Variants in GPM6A observed in about 807,000 individuals in gnomAD.
The protein encoded by GPM6A is neuronal membrane glycoprotein M6-a.
In GPM6A, 7 loss-of-function variants were observed where a neutral mutation model predicts 32.1. The observed-to-expected ratio is 0.22, with a 90% CI of 0.12 to 0.41. The LOEUF (loss-of-function observed/expected upper bound fraction) is 0.41, where lower values mean the gene tolerates loss of function less well. Among genes scored for constraint, GPM6A ranks in the 10% least tolerant of loss-of-function variants. The pLI, the probability that GPM6A is intolerant of heterozygous loss-of-function variation, is 1.00. For missense variants in GPM6A, 235 were observed against 347.2 expected (o/e 0.68, Z 2.57); for synonymous variants, 130 against 123.4 (o/e 1.05, Z -0.35).
chr4:175,901,494 C>G (rs1259508288), intron 1 of GPM6A, among the ~76,000 whole-genome samples: 1 of 151,534 alleles, frequency 6.6e-6, no homozygotes, highest in Non-Finnish European at 1.5e-5. Flanking sequence ...ATTAGAGTAG[C>G]TACCATTAAA....
At chr4:175,728,533 G>A (rs1731279169) in intron 1 of GPM6A, among the ~76,000 whole-genome samples, 1 of 152,040 alleles carries the variant, frequency 6.6e-6, no homozygotes. Context: ...TTATTTCAAG[G>A]ACTATTAGAA....
At chr4:175,675,178 T>C (rs1338460561) in intron 2 of GPM6A, among the ~76,000 whole-genome samples, 1 of 151,598 alleles carries the variant, frequency 6.6e-6, no homozygotes, top group African/African-American at 2.4e-5. Context: ...TCTGTAGGAA[T>C]ATTCATAGTC....
chr4:175,868,646 AT>A (rs746818349), intron 1 of GPM6A, among the ~76,000 whole-genome samples: 2 of 151,944 alleles, frequency 1.3e-5, no homozygotes, highest in Non-Finnish European at 2.9e-5. Flanking sequence ...TCTGTTACGG[AT>A]TGCTAATTTA....
chr4:175,670,707 C>A (rs1743008229), intron 3 of GPM6A, among the ~76,000 whole-genome samples: 1 of 151,986 alleles, frequency 6.6e-6, no homozygotes, highest in Non-Finnish European at 1.5e-5. Context: ...TTTTGAATGA[C>A]AGATAGCATT....
chr4:176,002,391 C>A, upstream of GPM6A: 1 of 1,548,096 alleles, frequency 6.5e-7, no homozygotes, highest in Non-Finnish European at 8.7e-7. Context: ...TTCTCCAAGC[C>A]GCGCTGAGGC....
chr4:175,907,365 T>C (rs1182465542), intron 1 of GPM6A: 1 of 152,076 alleles, frequency 6.6e-6, no homozygotes, highest in Non-Finnish European at 1.5e-5. Flanking sequence ...AAATTGCTGG[T>C]CTCAAAACCG....
intron 1 of GPM6A, among the ~76,000 whole-genome samples, chr4:175,948,163 A>G (rs1234009551): frequency 2.6e-5 from 4 of 152,182 alleles, no homozygotes; most frequent in Admixed American, 6.5e-5. Context: ...TTTTGCTCCA[A>G]TATTATGATA....
intron 1 of GPM6A, among the ~76,000 whole-genome samples, chr4:175,879,693 CT>C (rs1207819610): frequency 6.6e-6 from 1 of 152,060 alleles, no homozygotes; most frequent in East Asian, 1.9e-4. Flanking sequence ...TATCAAGCAC[CT>C]TTATATAGCA....
chr4:175,732,958 C>G (rs1731496351), intron 1 of GPM6A, among the ~76,000 whole-genome samples: 1 of 152,018 alleles, frequency 6.6e-6, no homozygotes, highest in African/African-American at 2.4e-5. Context: ...TGCCTAAGTC[C>G]ACACAAATTG....
At chr4:175,914,263 G>A (rs1051768486) in intron 1 of GPM6A, among the ~76,000 whole-genome samples, 4 of 152,278 alleles carry the variant, frequency 2.6e-5, no homozygotes, top group East Asian at 1.9e-4. Context: ...GTGGAAAGAC[G>A]GGGTAAAGGA....
chr4:175,954,310 T>G (rs952974699), intron 1 of GPM6A, among the ~76,000 whole-genome samples: 6 of 152,146 alleles, frequency 3.9e-5, no homozygotes, highest in South Asian at 2.1e-4. Flanking sequence ...TCTCCATGAG[T>G]TCTACTGGAC....
intron 5 of GPM6A, among the ~76,000 whole-genome samples, chr4:175,640,528 A>C (rs910124084): frequency 6.6e-6 from 1 of 152,194 alleles, no homozygotes; most frequent in Non-Finnish European, 1.5e-5. Flanking sequence ...CATTAAAATG[A>C]GTTTCCAGAA....
At chr4:175,659,394 T>A (rs889170782) in intron 3 of GPM6A, among the ~76,000 whole-genome samples, 1 of 152,118 alleles carries the variant, frequency 6.6e-6, no homozygotes, top group Non-Finnish European at 1.5e-5. Flanking sequence ...TACCTTTTTT[T>A]AAAGAGTAAA....
chr4:175,851,237 A>G (rs1736245094), intron 1 of GPM6A, among the ~76,000 whole-genome samples: 2 of 152,072 alleles, frequency 1.3e-5, no homozygotes, highest in Non-Finnish European at 2.9e-5. Context: ...GGCACCTGTA[A>G]TCCCTTTGAG....
At chr4:175,759,945 C>T (rs1281200352) in intron 1 of GPM6A, among the ~76,000 whole-genome samples, 1 of 151,986 alleles carries the variant, frequency 6.6e-6, no homozygotes, top group Non-Finnish European at 1.5e-5. Flanking sequence ...TTTGGGAAGC[C>T]GAGACAGGCA....
intron 1 of GPM6A, among the ~76,000 whole-genome samples, chr4:175,955,929 C>T (rs190114273): frequency 3.3e-4 from 50 of 152,122 alleles, no homozygotes; most frequent in Non-Finnish European, 5.1e-4. Context: ...CCTTCAGTGA[C>T]GTTAAAATTA....
intron 1 of GPM6A, among the ~76,000 whole-genome samples, chr4:175,968,468 C>T (rs1740398469): frequency 6.6e-6 from 1 of 152,080 alleles, no homozygotes; most frequent in South Asian, 2.1e-4. Flanking sequence ...GCAAAAGATG[C>T]TGTAAAGAGA....
At chr4:175,686,832 A>G (rs1441630870) in intron 2 of GPM6A, among the ~76,000 whole-genome samples, 1 of 152,216 alleles carries the variant, frequency 6.6e-6, no homozygotes, top group Admixed American at 6.5e-5. Context: ...AAATTCTGAC[A>G]TTGTCTAATG....
intron 1 of GPM6A, among the ~76,000 whole-genome samples, chr4:175,921,483 C>T (rs1738663479): frequency 6.7e-6 from 1 of 149,406 alleles, no homozygotes; most frequent in Non-Finnish European, 1.5e-5. Flanking sequence ...CACGCATGAT[C>T]CTGCCAAAAA....
Sources: allele counts gnomAD v4.1 joint callset (sites outside exome capture counted in the v4.1 genomes callset), GRCh38; gene constraint gnomAD v4.1.1; transcripts MANE v1.5; gene names NCBI Gene and HGNC (gene_info 2026-07-23, HGNC 2026-07-21).